RFC3: variants seen among roughly 807,000 people sequenced by gnomAD.
The protein encoded by RFC3 is replication factor C subunit 3, also known as A1 38 kDa subunit.
Under a neutral mutation model 45.1 loss-of-function variants are expected in RFC3, and 41 were observed. The observed-to-expected ratio is 0.91, with a 90% CI of 0.71 to 1.18. RFC3 has a LOEUF of 1.18. RFC3 is among the 50% of genes most tolerant of loss of function. The pLI, the probability that RFC3 is intolerant of heterozygous loss-of-function variation, is 0.00. For synonymous variants in RFC3, 149 were observed against 144.0 expected (o/e 1.03, Z -0.25); for missense variants, 423 against 428.1 (o/e 0.99, Z 0.10).
At chr13:33,916,221 A>G (rs2082732568) in intron 8 of RFC3, among the ~76,000 whole-genome samples, 1 of 152,220 alleles carries the variant, frequency 6.6e-6, no homozygotes, top group Non-Finnish European at 1.5e-5. Flanking sequence ...TATAGTGCAC[A>G]TCTGAACTTT....
the RFC3 span, among the ~76,000 whole-genome samples, chr13:33,977,131 T>A: frequency 6.6e-6 from 1 of 152,052 alleles, no homozygotes; most frequent in African/African-American, 2.4e-5. Context: ...TCAAAAACAA[T>A]GAAAGTCTGA....
At chr13:33,857,485 C>T (rs888506041) in intron 8 of RFC3, among the ~76,000 whole-genome samples, 7 of 152,166 alleles carry the variant, frequency 4.6e-5, no homozygotes, top group Non-Finnish European at 8.8e-5. Context: ...GAGATGGGAG[C>T]AATGCTCTCC....
In RFC3 at chr13:33,936,975, C is replaced by CA. The variant is rs1490139985; in HGVS notation, c.880-29106dup. ...AGATAGATCCTAAATGTTCTCACCA[C>CA]AAAAAATCAAGAGCAGCAGCAAAAC... is the stretch of plus-strand genomic sequence containing the variant. On this transcript the variant is annotated intron_variant, in intron 8 of 8. Transcript: ENST00000434425. Among the ~76,000 whole-genome samples, 4 of 152,182 alleles carry CA rather than the reference C, an allele frequency of 2.6e-5. No individual in the cohort carries two copies. The East Asian group carries it at 5.8e-4, about 22-fold the overall frequency.
chr13:33,973,103 T>G, the RFC3 span, among the ~76,000 whole-genome samples: 41 of 152,234 alleles, frequency 2.7e-4, no homozygotes, highest in East Asian at 5.8e-3. Flanking sequence ...TGCTGTCTCA[T>G]AAAAGAGCAA....
At chr13:33,838,209 G>C (rs1055971773), downstream of RFC3, among the ~76,000 whole-genome samples, 4 of 151,952 alleles carry the variant, frequency 2.6e-5, no homozygotes, top group African/African-American at 9.7e-5. Flanking sequence ...TTGCTTCTCT[G>C]TCTTTTGGCT....
Position 33,823,767 on chromosome 13 carries a change from A to G in RFC3, c.226-150A>G, listed in dbSNP as rs1222969429. ...TAAAAACATGTTTATCTGCACATTG[A>G]GAAAAGAGTGGGATTAACAAAGTTA... On this transcript the variant is annotated intron_variant, in intron 2 of 8. Transcript: ENST00000380071. 5 of 500,448 alleles carry G rather than the reference A, an allele frequency of 1.0e-5. No individual in the cohort carries two copies. In the East Asian group the frequency reaches 1.7e-4, roughly 17 times the overall value. The allele number at this position is 500,448 out of a possible 1,614,324, so 31.0% of individuals were successfully genotyped here.
Position 33,872,798 on chromosome 13 carries a change from C to CCA in RFC3, c.879+37582_879+37583insAC, listed in dbSNP as rs1028855269. On this transcript the variant is annotated intron_variant, in intron 8 of 8. Transcript: ENST00000434425. ...AAAAAAAGAAAGAAACCAAACCCCC[C>CCA]CCCCCAAAATACATGGTAGGCACTC... Among the ~76,000 whole-genome samples, 4 of 139,006 alleles carry CCA rather than the reference C, an allele frequency of 2.9e-5. 1 individual carries two copies. Among genetic ancestry groups the CCA allele is most frequent in the African/African-American group, 8.0e-5 (3 of 37,576 alleles). 91.2% of individuals were successfully genotyped at this position (139,006 alleles called of 152,430 possible). A position where few individuals can be genotyped will look rare whatever the true frequency, so the allele number is the denominator to read the frequency against.
intron 8 of RFC3, among the ~76,000 whole-genome samples, chr13:33,956,147 C>T (rs2083020602): frequency 6.6e-6 from 1 of 152,222 alleles, no homozygotes; most frequent in African/African-American, 2.4e-5. Flanking sequence ...CCCCCTCTAT[C>T]TTGCCTCCTC....
intron 8 of RFC3, among the ~76,000 whole-genome samples, chr13:33,936,012 G>C (rs1244879930): frequency 6.6e-6 from 1 of 152,164 alleles, no homozygotes; most frequent in Non-Finnish European, 1.5e-5. Context: ...CACTGAGCTG[G>C]TCTCATCTTC....
At chr13:33,910,163 C>G (rs1236954788) in intron 8 of RFC3, among the ~76,000 whole-genome samples, 1 of 152,046 alleles carries the variant, frequency 6.6e-6, no homozygotes, top group African/African-American at 2.4e-5. Context: ...AATTATCTAA[C>G]ATTTACTTAG....
At chr13:33,852,600 T>C (rs1468886580) in intron 8 of RFC3, among the ~76,000 whole-genome samples, 1 of 152,004 alleles carries the variant, frequency 6.6e-6, no homozygotes, top group Non-Finnish European at 1.5e-5. Context: ...AAAGAGAAAG[T>C]TTGGAAGGAG....
chr13:33,867,404 A>G (rs559619227), intron 8 of RFC3, among the ~76,000 whole-genome samples: 2 of 152,310 alleles, frequency 1.3e-5, no homozygotes, highest in South Asian at 2.1e-4. Context: ...TAGTACCTCA[A>G]GGAGAAATGC....
chr13:33,834,780 G>T (rs1427827221), intron 7 of RFC3, among the ~76,000 whole-genome samples: 1 of 152,094 alleles, frequency 6.6e-6, no homozygotes, highest in Non-Finnish European at 1.5e-5. Context: ...ATTCCATGGT[G>T]TGAATAAGCT....
At chr13:33,883,572 G>A (rs2082499728) in intron 8 of RFC3, among the ~76,000 whole-genome samples, 1 of 152,002 alleles carries the variant, frequency 6.6e-6, no homozygotes, top group South Asian at 2.1e-4. Context: ...TGAGGCTGAA[G>A]GATCATATCA....
At chr13:33,835,500 A>G (rs763314970) in intron 8 of RFC3, 3 of 596,784 alleles carry the variant, frequency 5.0e-6, no homozygotes, top group Non-Finnish European at 9.6e-6. Context: ...AGGAAATACC[A>G]AGGTGCAGGG....
intron 8 of RFC3, among the ~76,000 whole-genome samples, chr13:33,931,698 A>G (rs772382347): frequency 6.6e-6 from 1 of 151,958 alleles, no homozygotes; most frequent in Non-Finnish European, 1.5e-5. Flanking sequence ...GTGGAAATAC[A>G]TTTTCCTTTG....
At chr13:33,886,608 G>C (rs1010668673) in intron 8 of RFC3, among the ~76,000 whole-genome samples, 2 of 148,128 alleles carry the variant, frequency 1.4e-5, no homozygotes, top group African/African-American at 4.9e-5. Context: ...CTGTTTTCTT[G>C]CATCTGAAAG....
intron 8 of RFC3, among the ~76,000 whole-genome samples, chr13:33,878,651 C>T (rs568705197): frequency 6.6e-6 from 1 of 152,222 alleles, no homozygotes; most frequent in Admixed American, 6.5e-5. Context: ...TAGCGGGTCT[C>T]CAAGGCTCTG....
chr13:33,839,840 C>T (rs998059401), downstream of RFC3, among the ~76,000 whole-genome samples: 6 of 152,288 alleles, frequency 3.9e-5, no homozygotes, highest in South Asian at 6.2e-4. Flanking sequence ...GTTTTGCATT[C>T]CTTTTGGAAA....
Sources: allele counts gnomAD v4.1 joint callset (sites outside exome capture counted in the v4.1 genomes callset), GRCh38; gene constraint gnomAD v4.1.1; transcripts MANE v1.5; gene names NCBI Gene and HGNC (gene_info 2026-07-23, HGNC 2026-07-21).